SRD5A2: variants seen among roughly 807,000 people sequenced by gnomAD.
SRD5A2 encodes the protein 3-oxo-5-alpha-steroid 4-dehydrogenase 2.
A neutral mutation model predicts 27.4 loss-of-function variants in SRD5A2; 30 were observed. The ratio of observed to expected loss-of-function variants is 1.10; its 90% CI spans 0.82 to 1.49. The LOEUF (loss-of-function observed/expected upper bound fraction) is 1.49, where lower values mean the gene tolerates loss of function less well. Among genes scored for constraint, SRD5A2 ranks in the 40% most tolerant of loss-of-function variants. SRD5A2 has a pLI of 0.00. For missense variants in SRD5A2, 348 were observed against 323.4 expected (o/e 1.08, Z -0.58); for synonymous variants, 141 against 133.6 (o/e 1.06, Z -0.38).
intron 1 of SRD5A2, among the ~76,000 whole-genome samples, chr2:31,564,055 C>T (rs1162804535): frequency 1.3e-5 from 2 of 151,854 alleles, no homozygotes; most frequent in African/African-American, 4.8e-5. Context: ...GATTACCAGG[C>T]ATGCAAAAAG....
At chr2:31,619,681 T>C in the SRD5A2 span, among the ~76,000 whole-genome samples, 22 of 152,288 alleles carry the variant, frequency 1.4e-4, 1 homozygote, top group East Asian at 4.0e-3. Flanking sequence ...TTTACATTTC[T>C]CTAATGATCA....
At chr2:31,583,107 G>C (rs962523423), upstream of SRD5A2, among the ~76,000 whole-genome samples, 12 of 152,186 alleles carry the variant, frequency 7.9e-5, no homozygotes, top group African/African-American at 2.9e-4. Context: ...GGCTGGGCTT[G>C]ACTTATCTTA....
the SRD5A2 span, among the ~76,000 whole-genome samples, chr2:31,651,206 C>T: frequency 7.2e-5 from 11 of 152,290 alleles, no homozygotes; most frequent in East Asian, 2.1e-3. Context: ...TTAATAGTAG[C>T]TTCACCCAAT....
the SRD5A2 span, among the ~76,000 whole-genome samples, chr2:31,662,065 T>C: frequency 6.6e-6 from 1 of 152,178 alleles, no homozygotes; most frequent in South Asian, 2.1e-4. Context: ...TTAACATTTT[T>C]CCCACAGATT....
the SRD5A2 span, among the ~76,000 whole-genome samples, chr2:31,588,007 AT>A: frequency 6.6e-6 from 1 of 152,176 alleles, no homozygotes; most frequent in South Asian, 2.1e-4. Flanking sequence ...TCATAGCAGA[AT>A]TGATCAAGCA....
chr2:31,557,588 G>A (rs1305623907), intron 1 of SRD5A2, among the ~76,000 whole-genome samples: 1 of 152,140 alleles, frequency 6.6e-6, no homozygotes, highest in Non-Finnish European at 1.5e-5. Flanking sequence ...GGTATTGAGG[G>A]AGTAGGAATG....
chr2:31,624,746 C>A, the SRD5A2 span, among the ~76,000 whole-genome samples: 9 of 152,182 alleles, frequency 5.9e-5, no homozygotes, highest in South Asian at 4.1e-4. Context: ...TTTTCTTAAT[C>A]CAGTCTATCA....
the SRD5A2 span, among the ~76,000 whole-genome samples, chr2:31,628,051 T>TA: frequency 6.6e-6 from 1 of 152,160 alleles, no homozygotes; most frequent in Non-Finnish European, 1.5e-5. Flanking sequence ...CTCGATGATT[T>TA]ATCTAATACT....
chr2:31,612,510 G>T, the SRD5A2 span, among the ~76,000 whole-genome samples: 3 of 152,110 alleles, frequency 2.0e-5, no homozygotes, highest in Non-Finnish European at 2.9e-5. Context: ...ATTGATGAAA[G>T]AAATTGAAGA....
intron 1 of SRD5A2, among the ~76,000 whole-genome samples, chr2:31,538,729 T>C (rs904161591): frequency 3.3e-5 from 5 of 152,182 alleles, no homozygotes; most frequent in Non-Finnish European, 5.9e-5. Flanking sequence ...GACCACCTTA[T>C]GTAAAATAAA....
the SRD5A2 span, among the ~76,000 whole-genome samples, chr2:31,610,585 G>T: frequency 1.3e-5 from 2 of 152,064 alleles, no homozygotes; most frequent in African/African-American, 4.8e-5. Flanking sequence ...ACAATACAAA[G>T]ATGCCCACGC....
chr2:31,630,809 A>T, the SRD5A2 span, among the ~76,000 whole-genome samples: 1 of 152,190 alleles, frequency 6.6e-6, no homozygotes, highest in African/African-American at 2.4e-5. Context: ...AACCCAGCAG[A>T]TTTCCTAACA....
At chr2:31,599,396 GC>G in the SRD5A2 span, among the ~76,000 whole-genome samples, 1 of 151,934 alleles carries the variant, frequency 6.6e-6, no homozygotes. Context: ...CTCAAAATGG[GC>G]CATATGTTAG....
At chr2:31,615,837 G>A in the SRD5A2 span, among the ~76,000 whole-genome samples, 1 of 152,142 alleles carries the variant, frequency 6.6e-6, no homozygotes, top group Non-Finnish European at 1.5e-5. Flanking sequence ...GGTTTCATGG[G>A]CCAGACCCAG....
chr2:31,543,071 C>T (rs1409475760), intron 1 of SRD5A2, among the ~76,000 whole-genome samples: 1 of 152,168 alleles, frequency 6.6e-6, no homozygotes, highest in African/African-American at 2.4e-5. Context: ...TGACTTGTCA[C>T]ATACCAAGCA....
chr2:31,531,778 G>T (rs1415246278), intron 2 of SRD5A2, among the ~76,000 whole-genome samples: 1 of 152,164 alleles, frequency 6.6e-6, no homozygotes, highest in Non-Finnish European at 1.5e-5. Flanking sequence ...ACAAACAAAT[G>T]CATGGATCAT....
chr2:31,650,324 G>A, the SRD5A2 span, among the ~76,000 whole-genome samples: 1 of 152,156 alleles, frequency 6.6e-6, no homozygotes, highest in East Asian at 1.9e-4. Flanking sequence ...AGTGAGGGAT[G>A]GGCAAAATCC....
chr2:31,654,535 T>G, the SRD5A2 span, among the ~76,000 whole-genome samples: 1 of 152,200 alleles, frequency 6.6e-6, no homozygotes, highest in Non-Finnish European at 1.5e-5. Flanking sequence ...TTGAGTAACA[T>G]GTAATGCAGC....
chr2:31,581,069 C>T, upstream of SRD5A2: 1 of 690,504 alleles, frequency 1.4e-6, no homozygotes, highest in East Asian at 2.9e-5. Flanking sequence ...CGGTTCGCAG[C>T]AATACCCCTT....
Sources: gnomAD v4.1 joint callset for allele counts (sites outside exome capture counted in the v4.1 genomes callset) on GRCh38, gnomAD v4.1.1 for gene constraint, MANE v1.5 for transcripts, NCBI Gene and HGNC (gene_info 2026-07-23, HGNC 2026-07-21) for gene names.